Variants in MORC4 observed in about 807,000 individuals in gnomAD.
MORC4 encodes the protein MORC family CW-type zinc finger protein 4.
A neutral mutation model predicts 65.5 loss-of-function variants in MORC4; 22 were observed. That is an observed-to-expected ratio of 0.34 (90% CI 0.24 to 0.48). MORC4 has a LOEUF of 0.48. MORC4 is among the 20% of genes least tolerant of loss of function. MORC4 has a pLI of 0.99. For missense variants in MORC4, 624 were observed against 703.0 expected (o/e 0.89, Z 1.27); for synonymous variants, 267 against 255.8 (o/e 1.04, Z -0.42).
intron 7 of MORC4, among the ~76,000 whole-genome samples, chrX:106,980,375 C>T (rs1295247826): frequency 9.0e-6 from 1 of 110,970 alleles, no homozygotes; most frequent in Non-Finnish European, 1.9e-5. Context: ...AGAAAATCAC[C>T]TTTTAATTTC....
At position 106,941,349 on chromosome X, in the gene MORC4, A is replaced by G; in HGVS notation, c.*130T>C. ...GCCAGGATTTACACAGAGATTCTCT[A>G]TATAAGGCATAAAGGTGAGGGTGAG... is the stretch of plus-strand genomic sequence containing the variant. On this transcript the variant is annotated 3_prime_UTR_variant, in exon 17 of 17. Coordinates refer to ENST00000355610, the MANE Select transcript of MORC4 (RefSeq NM_024657.5). 1 of 456,531 alleles carries G rather than the reference A, an allele frequency of 2.2e-6. No homozygotes were observed. Among genetic ancestry groups the G allele is most frequent in the Non-Finnish European group, 3.6e-6 (1 of 280,494 alleles). 37.6% of individuals were successfully genotyped at this position (456,531 alleles called of 1,213,427 possible). A position where few individuals can be genotyped will look rare whatever the true frequency, so the allele number is the denominator to read the frequency against.
chrX:106,963,056 T>C (rs1314019554), intron 9 of MORC4, among the ~76,000 whole-genome samples: 1 of 111,761 alleles, frequency 8.9e-6, no homozygotes, highest in African/African-American at 3.3e-5. Flanking sequence ...AAAGTAATCA[T>C]ATATGAGCTC....
At chrX:106,987,680 T>G (rs773630555) in intron 3 of MORC4, among the ~76,000 whole-genome samples, 1 of 111,515 alleles carries the variant, frequency 9.0e-6, no homozygotes, top group African/African-American at 3.3e-5. Context: ...TGATTTCTAC[T>G]TCCTGAAGAT....
At chrX:106,961,616 C>T (rs1283603869) in intron 10 of MORC4, among the ~76,000 whole-genome samples, 1 of 111,421 alleles carries the variant, frequency 9.0e-6, no homozygotes, top group Non-Finnish European at 1.9e-5. Flanking sequence ...CTCTGTAAAA[C>T]GCACCTATCA....
In MORC4 at chrX:106,941,448, T is replaced by G. The variant is rs143983383; in HGVS notation, c.*31A>C. 6.4e-4 allele frequency: 713 copies of G among 1,118,256 alleles called. No individual in the cohort carries two copies. In the African/African-American group the frequency reaches 6.7e-3, roughly 10 times the overall value. The allele number at this position is 1,118,256 out of a possible 1,213,427, so 92.2% of individuals were successfully genotyped here. A position where few individuals can be genotyped will look rare whatever the true frequency, so the allele number is the denominator to read the frequency against. ...GAGAGAAAAGAGAACAGACAGAAGA[T>G]AAGAGAAGAGAAGGGTATACAGTCT... On this transcript the variant is annotated 3_prime_UTR_variant, in exon 17 of 17. Coordinates refer to ENST00000355610, the MANE Select transcript of MORC4 (RefSeq NM_024657.5).
At position 106,961,795 on chromosome X, in the gene MORC4, G is replaced by A. The variant is rs139001611; in HGVS notation, c.1256+217C>T. ...CAAGCTGTGGAAGCTTTGTCCTTTC[G>A]CTGTTCACAATAAACCTTGCTACCA... is the stretch of plus-strand genomic sequence containing the variant. On this transcript the variant is annotated intron_variant, in intron 10 of 16. Coordinates refer to ENST00000355610, the MANE Select transcript of MORC4 (RefSeq NM_024657.5). 7.2e-5 allele frequency among the ~76,000 whole-genome samples: 8 copies of A among 111,499 alleles called. No homozygotes were observed. The East Asian group carries it at 8.5e-4, about 12-fold the overall frequency.
intron 14 of MORC4, among the ~76,000 whole-genome samples, chrX:106,949,283 C>T (rs760615780): frequency 9.0e-6 from 1 of 111,680 alleles, no homozygotes; most frequent in African/African-American, 3.2e-5. Context: ...ATATTCTCTA[C>T]TTTAATTCTT....
chrX:106,984,058 G>A (rs1934805619), intron 5 of MORC4, among the ~76,000 whole-genome samples: 1 of 111,290 alleles, frequency 9.0e-6, no homozygotes, highest in Non-Finnish European at 1.9e-5. Flanking sequence ...GCTGGGGTGG[G>A]TGGATCACTT....
intron 9 of MORC4, among the ~76,000 whole-genome samples, chrX:106,971,881 T>G (rs916482603): frequency 2.5e-4 from 28 of 112,112 alleles, no homozygotes; most frequent in African/African-American, 8.1e-4. Context: ...GAGTGTAAAT[T>G]AGTTCAACCA....
intron 9 of MORC4, among the ~76,000 whole-genome samples, chrX:106,975,329 T>A (rs775679430): frequency 9.0e-6 from 1 of 111,414 alleles, no homozygotes; most frequent in Non-Finnish European, 1.9e-5. Context: ...TAGAGTTAAG[T>A]CCTGGTCAAA....
intron 9 of MORC4, among the ~76,000 whole-genome samples, chrX:106,968,872 C>T (rs1349826243): frequency 9.0e-6 from 1 of 110,617 alleles, no homozygotes; most frequent in African/African-American, 3.3e-5. Flanking sequence ...GACTCCCACA[C>T]AATAATAATG....
Position 106,941,478 on chromosome X carries a change from C to T in MORC4, c.*1G>A, listed in dbSNP as rs1484394775. The T allele has an allele frequency of 8.3e-7, 1 of 1,200,025 alleles. No homozygotes were observed. Among genetic ancestry groups the T allele is most frequent in the South Asian group, 1.8e-5 (1 of 55,358 alleles). On this transcript the variant is annotated 3_prime_UTR_variant, in exon 17 of 17. Transcript: ENST00000355610. ...GAAGAGAAGGGTATACAGTCTGGTG[C>T]TCAATCCAGTATGTGATTTGCCTCC...
intron 7 of MORC4, among the ~76,000 whole-genome samples, chrX:106,980,228 T>G (rs1419105579): frequency 9.0e-6 from 1 of 111,597 alleles, no homozygotes; most frequent in East Asian, 2.8e-4. Context: ...AAGATTTTTT[T>G]CTAGTTTCTG....
chrX:106,971,473 A>C (rs189648896), intron 9 of MORC4, among the ~76,000 whole-genome samples: 61 of 112,381 alleles, frequency 5.4e-4, no homozygotes, highest in African/African-American at 1.6e-3. Context: ...AATGGGATGT[A>C]ATTAAACTAA....
chrX:106,983,708 ACTT>A (rs777718194), intron 5 of MORC4, among the ~76,000 whole-genome samples: 35 of 98,999 alleles, frequency 3.5e-4, no homozygotes, highest in Admixed American at 2.2e-3. Flanking sequence ...GATTTTTTCT[ACTT>A]CTTTTTTTTT....
chrX:106,941,376 GAGAGA>G lies in MORC4; in HGVS notation c.*98_*102del, dbSNP rs1933670404. 7.0e-6 allele frequency: 1 copy of G among 143,803 alleles called. No individual in the cohort carries two copies. The highest frequency in any genetic ancestry group is 9.8e-5 in the African/African-American group (1 of 10,223). The allele number at this position is 143,803 out of a possible 1,213,427, so 11.9% of individuals were successfully genotyped here. Reference sequence around the variant, plus strand: ...ATAAGGCATAAAGGTGAGGGTGAGAGAGAGAGAGAGAGAGAGAGAGAGAGAGAGAG... The same window carrying G: ...ATAAGGCATAAAGGTGAGGGTGAGAGGAGAGAGAGAGAGAGAGAGAGAGAG... On this transcript the variant is annotated 3_prime_UTR_variant, in exon 17 of 17. Transcript: ENST00000355610.
intron 7 of MORC4, among the ~76,000 whole-genome samples, chrX:106,979,718 T>C (rs762844991): frequency 4.3e-4 from 48 of 110,469 alleles, no homozygotes; most frequent in Non-Finnish European, 7.6e-4. Context: ...AATGCATGCA[T>C]AGAAGTTTCC....
At chrX:106,979,128 T>C (rs1278563381) in intron 7 of MORC4, among the ~76,000 whole-genome samples, 4 of 111,127 alleles carry the variant, frequency 3.6e-5, no homozygotes, top group Non-Finnish European at 7.6e-5. Flanking sequence ...TTTTGTTACT[T>C]ATTCAAAAAA....
At chrX:106,954,811 G>T in intron 14 of MORC4, 102 bp downstream of exon 14, 1 of 751,517 alleles carries the variant, frequency 1.3e-6, no homozygotes, top group South Asian at 2.5e-5. Context: ...TTCCATGCTA[G>T]GCCTTAGAAA....
Sources: allele counts gnomAD v4.1 joint callset (sites outside exome capture counted in the v4.1 genomes callset), GRCh38; gene constraint gnomAD v4.1.1; transcripts MANE v1.5; gene names NCBI Gene and HGNC (gene_info 2026-07-23, HGNC 2026-07-21).